Variants in ROBO1 observed in about 807,000 individuals in gnomAD.
ROBO1 encodes the protein roundabout homolog 1.
A neutral mutation model predicts 195.9 loss-of-function variants in ROBO1; 149 were observed. The observed-to-expected ratio is 0.76, with a 90% CI of 0.67 to 0.87. ROBO1 has a LOEUF of 0.87. ROBO1 is among the 40% of genes least tolerant of loss of function. The pLI is 0.00. For missense variants in ROBO1, 1,933 were observed against 2,068.3 expected, an observed-to-expected ratio of 0.93 and a Z score of 1.27; for synonymous variants, 816 against 733.2, an observed-to-expected ratio of 1.11 and a Z score of -1.82.
chr3:79,582,236 C>T (rs1022579848), intron 2 of ROBO1, among the ~76,000 whole-genome samples: 4 of 151,530 alleles, frequency 2.6e-5, no homozygotes, highest in Non-Finnish European at 4.4e-5. Flanking sequence ...CCTTTTTCAT[C>T]TCTATGGTCC....
intron 1 of ROBO1, among the ~76,000 whole-genome samples, chr3:79,763,945 G>A (rs907627276): frequency 1.8e-4 from 28 of 152,280 alleles, no homozygotes; most frequent in African/African-American, 6.0e-4. Context: ...TAACTGAAGA[G>A]AATGGCTCCC....
At chr3:79,243,446 A>G (rs1160622765) in intron 2 of ROBO1, among the ~76,000 whole-genome samples, 1 of 152,096 alleles carries the variant, frequency 6.6e-6, no homozygotes, top group Non-Finnish European at 1.5e-5. Context: ...TTACAGTCCC[A>G]CCAACAGTGT....
intron 2 of ROBO1, among the ~76,000 whole-genome samples, chr3:79,167,219 T>C (rs918700909): frequency 4.6e-5 from 7 of 152,040 alleles, no homozygotes; most frequent in African/African-American, 1.7e-4. Flanking sequence ...ATCCAGAGCA[T>C]CTAAACTCAC....
Position 78,688,706 on chromosome 3 carries a change from T to C in ROBO1, c.1112A>G (p.Gln371Arg), listed in dbSNP as rs369831320. Reference sequence around the variant, plus strand: ...TTGAGGATTTCCGGTTGCTTCACACTGAAAAGTTACAGTCCGTCCCAAAGC... The same window carrying C: ...TTGAGGATTTCCGGTTGCTTCACACCGAAAAGTTACAGTCCGTCCCAAAGC... Reference protein sequence around the residue: ...VVALGRTVTFQCEATGNPQPA... With the variant: ...VVALGRTVTFRCEATGNPQPA... Residue 371 changes from glutamine (Q) to arginine (R), a missense_variant, in exon 9 of 31, where the codon CAG becomes CGG. This residue lies in a region of ROBO1 where 1,737 missense variants were observed against 1,882.5 expected (regional missense o/e 0.92). Transcript: ENST00000464233. 1.2e-4 allele frequency: 197 copies of C among 1,608,988 alleles called. No individual in the cohort carries two copies. The highest frequency in any genetic ancestry group is 1.5e-4 in the Non-Finnish European group (182 of 1,177,584).
intron 10 of ROBO1, among the ~76,000 whole-genome samples, chr3:78,683,424 T>G (rs2107808800): frequency 6.6e-6 from 1 of 152,190 alleles, no homozygotes; most frequent in Non-Finnish European, 1.5e-5. Context: ...AAGTTTATTT[T>G]AAAATTTGTA....
chr3:79,687,389 A>G (rs1002859840), intron 1 of ROBO1, among the ~76,000 whole-genome samples: 9 of 152,170 alleles, frequency 5.9e-5, no homozygotes, highest in African/African-American at 1.4e-4. Context: ...TAATTAAACT[A>G]AAGAACGACC....
intron 2 of ROBO1, among the ~76,000 whole-genome samples, chr3:79,301,457 T>C (rs1213294292): frequency 6.6e-6 from 1 of 152,234 alleles, no homozygotes; most frequent in Non-Finnish European, 1.5e-5. Flanking sequence ...AAGTAATTCC[T>C]TTATGTTAAG....
At chr3:79,281,529 G>T (rs1228457248) in intron 2 of ROBO1, among the ~76,000 whole-genome samples, 1 of 152,076 alleles carries the variant, frequency 6.6e-6, no homozygotes, top group Non-Finnish European at 1.5e-5. Context: ...TCTATAGAAT[G>T]TTTATAGAAG....
intron 2 of ROBO1, among the ~76,000 whole-genome samples, chr3:79,209,668 T>C (rs1024719948): frequency 2.6e-5 from 4 of 152,090 alleles, no homozygotes; most frequent in Non-Finnish European, 5.9e-5. Flanking sequence ...AACATTGTTT[T>C]ATTTTTTAAT....
intron 4 of ROBO1, among the ~76,000 whole-genome samples, chr3:78,783,079 C>T (rs2083727778): frequency 1.3e-5 from 2 of 152,012 alleles, no homozygotes; most frequent in Admixed American, 6.6e-5. Flanking sequence ...CCTTTTTAAA[C>T]ATTATTTTTG....
At chr3:79,659,225 T>C (rs931517977) in intron 1 of ROBO1, among the ~76,000 whole-genome samples, 4 of 152,100 alleles carry the variant, frequency 2.6e-5, no homozygotes, top group Non-Finnish European at 5.9e-5. Flanking sequence ...AACATGATGC[T>C]TAAAAATTAT....
In ROBO1 at chr3:79,521,312, C is replaced by A. The variant is rs577086284; in HGVS notation, c.88+68512G>T. Among the ~76,000 whole-genome samples the A allele has an allele frequency of 2.0e-5, 3 of 152,250 alleles. No individual in the cohort carries two copies. In the South Asian group the frequency reaches 6.2e-4, roughly 32 times the overall value. On this transcript the variant is annotated intron_variant, in intron 2 of 30. Transcript: ENST00000464233. ...TATCAAGAAAATATATACACAACTCCAATTTTCTTAGGGGTTCCTGTTTAG... is the reference window on the plus strand; with the variant it reads ...TATCAAGAAAATATATACACAACTCAAATTTTCTTAGGGGTTCCTGTTTAG...
chr3:78,600,071 C>A (rs1703078329), intron 30 of ROBO1, 42 bp downstream of exon 30: 3 of 1,511,378 alleles, frequency 2.0e-6, no homozygotes, highest in South Asian at 2.3e-5. Context: ...ATAAAACAAC[C>A]ACAGTCTAAC....
chr3:79,631,968 A>G (rs1006665096), intron 1 of ROBO1, among the ~76,000 whole-genome samples: 1 of 152,096 alleles, frequency 6.6e-6, no homozygotes, highest in Non-Finnish European at 1.5e-5. Context: ...TAAAATGTCA[A>G]AAAACAACAG....
At chr3:78,619,484 T>TA (rs1704323116) in intron 26 of ROBO1, among the ~76,000 whole-genome samples, 1 of 151,442 alleles carries the variant, frequency 6.6e-6, no homozygotes, top group Non-Finnish European at 1.5e-5. Flanking sequence ...ATGATACTCA[T>TA]AGAGTAAGAT....
chr3:79,551,080 G>T (rs1209888194), intron 2 of ROBO1, among the ~76,000 whole-genome samples: 1 of 151,906 alleles, frequency 6.6e-6, no homozygotes, highest in Non-Finnish European at 1.5e-5. Context: ...TTGGTCTCTG[G>T]ATTTTGGGCT....
At chr3:79,585,881 C>G (rs1943812226) in intron 2 of ROBO1, among the ~76,000 whole-genome samples, 1 of 151,878 alleles carries the variant, frequency 6.6e-6, no homozygotes, top group African/African-American at 2.4e-5. Context: ...TGAACTGTTG[C>G]CTATGAACAA....
At chr3:79,698,383 T>G (rs1052537624) in intron 1 of ROBO1, among the ~76,000 whole-genome samples, 1 of 151,428 alleles carries the variant, frequency 6.6e-6, no homozygotes, top group Admixed American at 6.6e-5. Flanking sequence ...ATAGATAAGA[T>G]AGGTAAGATA....
chr3:79,497,194 T>C (rs1286514544), intron 2 of ROBO1, among the ~76,000 whole-genome samples: 7 of 152,224 alleles, frequency 4.6e-5, no homozygotes, highest in African/African-American at 1.7e-4. Context: ...GATTGAGAAT[T>C]GTTCGTCTGA....
Sources: allele counts gnomAD v4.1 joint callset (sites outside exome capture counted in the v4.1 genomes callset), GRCh38; gene constraint gnomAD v4.1.1; regional missense constraint gnomAD v4.1.1; transcripts MANE v1.5; gene names NCBI Gene and HGNC (gene_info 2026-07-23, HGNC 2026-07-21).